The following TXNDC11 variants were observed in gnomAD, a reference collection of about 807,000 sequenced individuals.
TXNDC11 encodes thioredoxin domain containing 11, also known as thioredoxin domain-containing protein 11.
TXNDC11 carries 68 observed loss-of-function variants against 78.0 expected under a neutral mutation model. That is an observed-to-expected ratio of 0.87 (90% confidence interval 0.72 to 1.07). TXNDC11 has a LOEUF of 1.07. Ranked by LOEUF, TXNDC11 falls within the 50% of genes least tolerant of loss-of-function variation. TXNDC11 has a pLI of 0.00. For missense variants in TXNDC11, 1,389 were observed against 1,221.8 expected, an observed-to-expected ratio of 1.14 and a Z score of -2.04; for synonymous variants, 571 against 495.2, an observed-to-expected ratio of 1.15 and a Z score of -2.03.
chr16:11,719,413 T>C (rs960115695), intron 5 of TXNDC11, among the ~76,000 whole-genome samples: 1 of 152,234 alleles, frequency 6.6e-6, no homozygotes, highest in Non-Finnish European at 1.5e-5. Context: ...GTCTTTCAAT[T>C]AGACAGACAT....
chr16:11,694,733 G>T (rs1448129929), intron 7 of TXNDC11, among the ~76,000 whole-genome samples: 2 of 152,004 alleles, frequency 1.3e-5, no homozygotes, highest in African/African-American at 4.8e-5. Flanking sequence ...GATTACAGGC[G>T]TGAGCCACTG....
Position 11,691,843 on chromosome 16 carries a change from G to C in TXNDC11, c.1347C>G (p.Thr449=), listed in dbSNP as rs756743339. 2 of 1,614,274 alleles carry C rather than the reference G, an allele frequency of 1.2e-6. No homozygotes were observed. The stretch of plus-strand genomic sequence containing the variant: ...CCGAGCTCGGCTTCATGCCCCCGGA[G>C]GTCTGGTTGACACAGAGTTCACAGA... ...HNVCELCVNQ[T]SGGMKPSSVS... is the part of the protein sequence containing the mutation. The change falls in exon 8 of 12, where the codon ACC becomes ACG. Residue 449 remains threonine, a synonymous_variant. Transcript: ENST00000283033.
In TXNDC11 at chr16:11,691,653, T is replaced by C. The variant is rs1461049937; in HGVS notation, c.1537A>G (p.Ser513Gly). ...SYYTACCRTI[S>G]RGVSGFIDSE... Reference sequence around the variant, plus strand: ...TCGATGAAGCCTGACACACCCCTGCTTATGGTCCTGCAACATGCAGTGTAG... The same window carrying C: ...TCGATGAAGCCTGACACACCCCTGCCTATGGTCCTGCAACATGCAGTGTAG... Residue 513 changes from serine (S) to glycine (G), a missense_variant, in exon 8 of 12, where the codon AGC (serine) becomes GGC (glycine). Transcript: ENST00000283033. 1 of 1,614,160 alleles carries C rather than the reference T, an allele frequency of 6.2e-7. No homozygotes were observed. The highest frequency in any genetic ancestry group is 8.5e-7 in the Non-Finnish European group (1 of 1,180,018).
chr16:11,683,968 C>A (rs1324300328), intron 11 of TXNDC11, among the ~76,000 whole-genome samples, 197 bp downstream of exon 11: 1 of 152,128 alleles, frequency 6.6e-6, no homozygotes, highest in East Asian at 1.9e-4. Context: ...CCAGGCTGGT[C>A]TCAACCTCTT....
At chr16:11,694,097 CTTTTTTTTTTTTTTTTTTT>C (rs535913245) in intron 7 of TXNDC11, among the ~76,000 whole-genome samples, 1 of 85,690 alleles carries the variant, frequency 1.2e-5, no homozygotes, top group East Asian at 3.3e-4. Context: ...TACAGCAATG[CTTTTTTTTTTTTTTTTTTT>C]TTTTTTTTTT....
rs147508157 is a variant in TXNDC11, at chr16:11,734,209, T to C, written c.472-130A>G. On this transcript the variant is annotated intron_variant, in intron 2 of 11. Coordinates refer to ENST00000283033, the MANE Select transcript of TXNDC11 (RefSeq NM_015914.7). ...AACAGAAACTATGAAAAAAACTGTT[T>C]TGAGTTTTCAAAGGTCATAATTTAT... The C allele has an allele frequency of 3.7e-3, 2,571 of 700,428 alleles. 43 individuals carry two copies. The highest frequency in any genetic ancestry group is 0.035 in the African/African-American group (1,904 of 54,286). The allele number at this position is 700,428 out of a possible 1,614,324, so 43.4% of individuals were successfully genotyped here.
At position 11,742,580 on chromosome 16, in the gene TXNDC11, C is replaced by A; in HGVS notation, c.151G>T (p.Gly51Trp). 23 of 1,458,042 alleles carry A rather than the reference C, an allele frequency of 1.6e-5. No individual in the cohort carries two copies. Among genetic ancestry groups the A allele is most frequent in the Non-Finnish European group, 2.1e-5 (23 of 1,111,256 alleles). The allele number at this position is 1,458,042 out of a possible 1,614,324, so 90.3% of individuals were successfully genotyped here. A position where few individuals can be genotyped will look rare whatever the true frequency, so the allele number is the denominator to read the frequency against. The part of the protein sequence containing the change: ...TASSAGRLRR[G>W]LRGAFLMARQ... Reference sequence around the variant, plus strand: ...GCCATGAGGAAGGCGCCACGCAGCCCGCGACGGAGCCGGCCCGCCGAGGAC... The same window carrying A: ...GCCATGAGGAAGGCGCCACGCAGCCAGCGACGGAGCCGGCCCGCCGAGGAC... Residue 51 changes from glycine (G) to tryptophan (W), a missense_variant, in exon 1 of 12, where the codon GGG becomes TGG. Gly to Trp is a radical substitution (Grantham distance 184). Coordinates refer to ENST00000283033, the MANE Select transcript of TXNDC11 (RefSeq NM_015914.7).
At chr16:11,694,050 C>A (rs924979816) in intron 7 of TXNDC11, among the ~76,000 whole-genome samples, 1 of 148,374 alleles carries the variant, frequency 6.7e-6, no homozygotes, top group Non-Finnish European at 1.5e-5. Context: ...AAAGCAGCCA[C>A]GTAAAGAATA....
intron 1 of TXNDC11, among the ~76,000 whole-genome samples, chr16:11,737,453 A>G (rs2052258178): frequency 6.6e-6 from 1 of 152,068 alleles, no homozygotes; most frequent in African/African-American, 2.4e-5. Flanking sequence ...CTAAAAAAAA[A>G]AAAAAGAAAG....
chr16:11,719,012 T>C (rs996912219), intron 5 of TXNDC11, among the ~76,000 whole-genome samples: 1 of 152,218 alleles, frequency 6.6e-6, no homozygotes, highest in Non-Finnish European at 1.5e-5. Flanking sequence ...AAAAGGCTGC[T>C]GCCTCTTATT....
rs771189172 is a variant in TXNDC11 at position 11,692,054 on chromosome 16, T to C, written c.1136A>G (p.Asn379Ser). The change falls in exon 8 of 12, where the codon AAC becomes AGC. Residue 379 changes from asparagine to serine, a missense_variant. Physicochemically the swap from Asn to Ser is conservative, Grantham distance 46. Transcript: ENST00000283033. ...CTCCACCACCTGGTCCCCATGACAG[T>C]TGTTGTACTCCAAGGCCACTTCGGT... ...EITEVALEYNNCHGDQVVERL... is the reference protein window; with the variant it reads ...EITEVALEYNSCHGDQVVERL... 50 of 1,534,680 alleles carry C rather than the reference T, an allele frequency of 3.3e-5. No homozygotes were observed. Among genetic ancestry groups the C allele is most frequent in the Admixed American group, 1.7e-4 (8 of 48,148 alleles).
intron 5 of TXNDC11, among the ~76,000 whole-genome samples, chr16:11,705,849 G>A (rs991054213): frequency 6.6e-6 from 1 of 152,168 alleles, no homozygotes; most frequent in Non-Finnish European, 1.5e-5. Flanking sequence ...AGCAGAGGAA[G>A]TTTATAGCGT....
chr16:11,731,714 C>CGT (rs2052055933), intron 3 of TXNDC11, among the ~76,000 whole-genome samples: 1 of 151,964 alleles, frequency 6.6e-6, no homozygotes, highest in African/African-American at 2.4e-5. Context: ...CACACACACA[C>CGT]ACGTGATGGG....
chr16:11,740,372 C>T (rs1030465855), intron 1 of TXNDC11, among the ~76,000 whole-genome samples: 3 of 152,122 alleles, frequency 2.0e-5, no homozygotes, highest in African/African-American at 7.2e-5. Flanking sequence ...GAAGCAGCAG[C>T]CATTTACTGG....
At chr16:11,699,809 C>T (rs986969754) in intron 6 of TXNDC11, among the ~76,000 whole-genome samples, 1 of 152,206 alleles carries the variant, frequency 6.6e-6, no homozygotes, top group Non-Finnish European at 1.5e-5. Flanking sequence ...AGACAGAATA[C>T]TTCAGGAAAG....
Position 11,691,357 on chromosome 16 carries a change from A to C in TXNDC11, c.1833T>G (p.Ile611Met). The change falls in exon 8 of 12, where the codon ATT (isoleucine) becomes ATG (methionine). Residue 611 changes from isoleucine to methionine, a missense_variant. Coordinates refer to ENST00000283033, the MANE Select transcript of TXNDC11 (RefSeq NM_015914.7). ...AATGAGATTCTTCTTTCACGTCAACAATTGCCGCAAATTCTTTCACCTGAG... is the reference window on the plus strand; with the variant it reads ...AATGAGATTCTTCTTTCACGTCAACCATTGCCGCAAATTCTTTCACCTGAG... ...SSTQVKEFAA[I>M]VDVKEESHYI... 1 of 1,614,204 alleles carries C rather than the reference A, an allele frequency of 6.2e-7. No individual in the cohort carries two copies. The highest frequency in any genetic ancestry group is 8.5e-7 in the Non-Finnish European group (1 of 1,180,036).
At chr16:11,722,520 A>G (rs978238142) in intron 4 of TXNDC11, among the ~76,000 whole-genome samples, 1 of 152,246 alleles carries the variant, frequency 6.6e-6, no homozygotes, top group Admixed American at 6.5e-5. Context: ...CCCTGAGGAA[A>G]GAGTGCTGGA....
At chr16:11,718,967 C>T (rs2141082052) in intron 5 of TXNDC11, among the ~76,000 whole-genome samples, 1 of 152,296 alleles carries the variant, frequency 6.6e-6, no homozygotes, top group Non-Finnish European at 1.5e-5. Context: ...TTTTATTTAT[C>T]ACTATTTACC....
At chr16:11,729,719 T>A (rs2051987721) in intron 4 of TXNDC11, among the ~76,000 whole-genome samples, 1 of 152,206 alleles carries the variant, frequency 6.6e-6, no homozygotes, top group South Asian at 2.1e-4. Context: ...TTTGCAGAAC[T>A]ACTTTTATAA....
Sources: gnomAD v4.1 joint callset for allele counts (sites outside exome capture counted in the v4.1 genomes callset) on GRCh38, gnomAD v4.1.1 for gene constraint, MANE v1.5 for transcripts, NCBI Gene and HGNC (gene_info 2026-07-23, HGNC 2026-07-21) for gene names.